Variants in PTPN13 observed in about 807,000 individuals in gnomAD.
The protein encoded by PTPN13 is protein tyrosine phosphatase non-receptor type 13.
Under a neutral mutation model 284.0 loss-of-function variants are expected in PTPN13, and 191 were observed. The ratio of observed to expected loss-of-function variants is 0.67; its 90% CI spans 0.60 to 0.76. PTPN13 has a LOEUF of 0.76. PTPN13 is among the 30% of genes least tolerant of loss of function. PTPN13 has a pLI of 0.00. For synonymous variants in PTPN13, 986 were observed against 1,022.3 expected (o/e 0.96, Z 0.68); for missense variants, 2,797 against 2,939.9 (o/e 0.95, Z 1.12).
In PTPN13 at chr4:86,771,422, C is replaced by T; in HGVS notation, c.5055C>T (p.Asn1685=). ...CAGCTTTGCATCAGACTCTAAGCAA[C>T]ATGGTATCACAGGCACAGAGTCATC... The part of the protein sequence containing the change: ...WSSALHQTLS[N]MVSQAQSHHE... Residue 1685 remains asparagine, a synonymous_variant, in exon 31 of 48, where the codon AAC becomes AAT. Coordinates refer to ENST00000411767, the MANE Select transcript of PTPN13 (RefSeq NM_080683.3). 1 of 1,565,894 alleles carries T rather than the reference C, an allele frequency of 6.4e-7. No individual in the cohort carries two copies. Among genetic ancestry groups the T allele is most frequent in the Non-Finnish European group, 8.7e-7 (1 of 1,153,912 alleles).
intron 7 of PTPN13, among the ~76,000 whole-genome samples, chr4:86,713,484 A>C (rs1732666270): frequency 6.6e-6 from 1 of 152,128 alleles, no homozygotes. Context: ...GGATTATTTT[A>C]AATTGTTTAT....
intron 27 of PTPN13, 33 bp from the exon 28 acceptor site, chr4:86,767,784 C>T (rs1739506454): frequency 1.4e-6 from 2 of 1,446,868 alleles, no homozygotes; most frequent in Non-Finnish European, 9.3e-7. Flanking sequence ...TAGCATTCTT[C>T]TTAATTAATG....
At chr4:86,635,193 C>G (rs1432591135) in intron 1 of PTPN13, 59 bp from the exon 2 acceptor site, 1 of 1,533,926 alleles carries the variant, frequency 6.5e-7, no homozygotes, top group Non-Finnish European at 8.8e-7. Context: ...AGAGCTTTTA[C>G]TACTGCAAGT....
intron 7 of PTPN13, among the ~76,000 whole-genome samples, chr4:86,703,862 C>CT (rs1731431481): frequency 2.0e-5 from 3 of 152,024 alleles, no homozygotes; most frequent in Admixed American, 6.6e-5. Flanking sequence ...AAGCGAGACT[C>CT]TGTCTCTAAT....
In PTPN13 at chr4:86,796,857, A is replaced by G. The variant is rs775114813; in HGVS notation, c.6346-17A>G. The G allele has an allele frequency of 4.8e-6, 7 of 1,444,486 alleles. No homozygotes were observed. The East Asian group carries it at 9.6e-5, about 20-fold the overall frequency. 89.5% of individuals were successfully genotyped at this position (1,444,486 alleles called of 1,614,324 possible). On this transcript the variant is annotated splice_polypyrimidine_tract_variant and intron_variant, in intron 40 of 47. Coordinates refer to ENST00000411767, the MANE Select transcript of PTPN13 (RefSeq NM_080683.3). The stretch of plus-strand genomic sequence containing the variant: ...GTTACAATGGGCTGATTTGATTCTT[A>G]TATATTTTTATTGTAGGCCACCAAA...
intron 5 of PTPN13, chr4:86,689,916 T>C (rs1453450093): frequency 1.3e-5 from 7 of 528,354 alleles, no homozygotes; most frequent in Non-Finnish European, 2.3e-5. Flanking sequence ...TTGGTCCCTC[T>C]TCCTTGCACA....
At chr4:86,735,017 C>T in intron 14 of PTPN13, 142 bp downstream of exon 14, 1 of 894,960 alleles carries the variant, frequency 1.1e-6, no homozygotes, top group Non-Finnish European at 1.7e-6. Context: ...AATGACCAAG[C>T]ACTCCATGTA....
chr4:86,617,255 A>G (rs1720659706), intron 1 of PTPN13, among the ~76,000 whole-genome samples: 1 of 152,210 alleles, frequency 6.6e-6, no homozygotes. Flanking sequence ...ATAAAAATTA[A>G]AAATTCAATT....
chr4:86,807,534 T>C (rs908222535), intron 44 of PTPN13, 26 bp from the exon 45 acceptor site: 10 of 1,544,854 alleles, frequency 6.5e-6, no homozygotes, highest in Non-Finnish European at 8.8e-6. Context: ...TATGGATGGC[T>C]CTGTTTTGTG....
chr4:86,644,372 T>C (rs1454931546), intron 2 of PTPN13, among the ~76,000 whole-genome samples: 1 of 152,166 alleles, frequency 6.6e-6, no homozygotes, highest in Non-Finnish European at 1.5e-5. Flanking sequence ...ACTCCTGCCC[T>C]CAAGCGACCC....
At chr4:86,688,099 T>C (rs923234634) in intron 4 of PTPN13, among the ~76,000 whole-genome samples, 1 of 151,738 alleles carries the variant, frequency 6.6e-6, no homozygotes, top group Non-Finnish European at 1.5e-5. Flanking sequence ...GAAAACAGAG[T>C]TGGGACTTCT....
chr4:86,810,963 C>T lies in PTPN13; in HGVS notation c.7300-83C>T, dbSNP rs1745152499. The T allele has an allele frequency of 6.7e-6, 9 of 1,343,410 alleles. No homozygotes were observed. The South Asian group carries it at 1.0e-4, about 16-fold the overall frequency. The allele number at this position is 1,343,410 out of a possible 1,614,324, so 83.2% of individuals were successfully genotyped here. ...AAGAAGAGTGGGATACAGAATTTTA[C>T]ATAAGCCTCCCCTCTGTGATCCTTT... On this transcript the variant is annotated intron_variant, in intron 46 of 47. Transcript: ENST00000411767.
chr4:86,806,218 TAAAAAAATCACACTGTG>T, intron 44 of PTPN13, among the ~76,000 whole-genome samples: 1 of 151,878 alleles, frequency 6.6e-6, no homozygotes, highest in Admixed American at 6.6e-5. Flanking sequence ...AAATCACATG[TAAAAAAATCACACTGTG>T]ATTTTTTTTA....
At chr4:86,758,097 A>G (rs1738198762) in intron 20 of PTPN13, among the ~76,000 whole-genome samples, 163 bp from the exon 21 acceptor site, 1 of 152,226 alleles carries the variant, frequency 6.6e-6, no homozygotes, top group Non-Finnish European at 1.5e-5. Flanking sequence ...ATTATAAATC[A>G]CTATAAAAAT....
chr4:86,720,823 T>C (rs1043818004), intron 9 of PTPN13, among the ~76,000 whole-genome samples: 6 of 152,258 alleles, frequency 3.9e-5, no homozygotes, highest in African/African-American at 1.2e-4. Context: ...ATTTGTACCA[T>C]AGTGGGATGG....
intron 2 of PTPN13, among the ~76,000 whole-genome samples, chr4:86,636,526 T>G (rs1028533850): frequency 3.1e-4 from 47 of 151,926 alleles, no homozygotes; most frequent in African/African-American, 1.1e-3. Context: ...TAAGTAAGGA[T>G]TGAGGGTAGT....
At chr4:86,695,319 C>A (rs1379974663) in intron 6 of PTPN13, among the ~76,000 whole-genome samples, 1 of 151,942 alleles carries the variant, frequency 6.6e-6, no homozygotes, top group Non-Finnish European at 1.5e-5. Context: ...TCCTTTCTTG[C>A]AAATATTTCC....
At chr4:86,730,386 T>G (rs1734794905) in intron 10 of PTPN13, among the ~76,000 whole-genome samples, 1 of 149,870 alleles carries the variant, frequency 6.7e-6, no homozygotes, top group Non-Finnish European at 1.5e-5. Flanking sequence ...CTGCTTCCTT[T>G]TGTTCAGCTA....
At position 86,734,194 on chromosome 4, in the gene PTPN13, T is replaced by C. The variant is rs1251636127; in HGVS notation, c.1859-109T>C. 3.5e-6 allele frequency: 3 copies of C among 866,892 alleles called. No homozygotes were observed. In the Admixed American group the frequency reaches 9.8e-5, roughly 28 times the overall value. 53.7% of individuals were successfully genotyped at this position (866,892 alleles called of 1,614,324 possible). ...CATTTTTAACAGTCTTGTATTTATA[T>C]TCTCATATGATACTCTTTTATGCAA... On this transcript the variant is annotated intron_variant, in intron 12 of 47. Coordinates refer to ENST00000411767, the MANE Select transcript of PTPN13 (RefSeq NM_080683.3).
Sources: gnomAD v4.1 joint callset for allele counts (sites outside exome capture counted in the v4.1 genomes callset) on GRCh38, gnomAD v4.1.1 for gene constraint, MANE v1.5 for transcripts, NCBI Gene and HGNC (gene_info 2026-07-23, HGNC 2026-07-21) for gene names.